The following AUTS2 variants were observed in gnomAD, a reference collection of about 807,000 sequenced individuals.
AUTS2 encodes the protein autism susceptibility gene 2 protein.
Under a neutral mutation model 112.4 loss-of-function variants are expected in AUTS2, and 17 were observed. The observed-to-expected ratio is 0.15, with a 90% CI of 0.10 to 0.23. The LOEUF (loss-of-function observed/expected upper bound fraction) is 0.23, where lower values mean the gene tolerates loss of function less well. Among genes scored for constraint, AUTS2 ranks in the 10% least tolerant of loss-of-function variants. The pLI is 1.00. For synonymous variants in AUTS2, 751 were observed against 702.7 expected, an observed-to-expected ratio of 1.07 and a Z score of -1.09; for missense variants, 1,510 against 1,701.6, an observed-to-expected ratio of 0.89 and a Z score of 1.98.
At chr7:69,919,785 TA>T (rs1795736579) in intron 2 of AUTS2, among the ~76,000 whole-genome samples, 4 of 152,210 alleles carry the variant, frequency 2.6e-5, no homozygotes, top group South Asian at 2.1e-4. Flanking sequence ...AAAAGTAGAT[TA>T]AAAAAACTAG....
intron 4 of AUTS2, among the ~76,000 whole-genome samples, chr7:70,161,849 C>T (rs1296844313): frequency 6.6e-6 from 1 of 152,082 alleles, no homozygotes; most frequent in Non-Finnish European, 1.5e-5. Context: ...TTTTTACAAA[C>T]TTTTCTAAAA....
At chr7:69,811,804 T>G (rs985220257) in intron 1 of AUTS2, among the ~76,000 whole-genome samples, 3 of 152,190 alleles carry the variant, frequency 2.0e-5, no homozygotes, top group African/African-American at 7.2e-5. Context: ...CAGTCTGCCT[T>G]GTAGCATAGT....
At position 70,660,250 on chromosome 7, in the gene AUTS2, G is replaced by T. The variant is rs1331421516; in HGVS notation, c.691-38319G>T. ...AACTGTGCATGGCATCCTTGGCAGGGTCTACAGTGTTGCAGTTCCTACCAC... is the reference window on the plus strand; with the variant it reads ...AACTGTGCATGGCATCCTTGGCAGGTTCTACAGTGTTGCAGTTCCTACCAC... On this transcript the variant is annotated intron_variant, in intron 5 of 18. Coordinates refer to ENST00000342771, the MANE Select transcript of AUTS2 (RefSeq NM_015570.4). Among the ~76,000 whole-genome samples the T allele has an allele frequency of 2.0e-5, 3 of 152,082 alleles. No individual in the cohort carries two copies. In the East Asian group the frequency reaches 5.8e-4, roughly 29 times the overall value.
rs187274289 is a variant in AUTS2 at position 69,888,742 on chromosome 7, T to G, written c.310-10544T>G. On this transcript the variant is annotated intron_variant, in intron 1 of 18. Transcript: ENST00000342771. ...GACTACACCTCCACGCCTGGCTAAT[T>G]TTTTGTATTTTAGTAGAGACGGGGT... 1.7e-3 allele frequency among the ~76,000 whole-genome samples: 259 copies of G among 151,244 alleles called. 3 individuals carry two copies. Among genetic ancestry groups the G allele is most frequent in the Admixed American group, 0.017 (253 of 15,184 alleles).
At chr7:70,769,684 C>G (rs1239048064) in intron 10 of AUTS2, among the ~76,000 whole-genome samples, 1 of 151,944 alleles carries the variant, frequency 6.6e-6, no homozygotes, top group African/African-American at 2.4e-5. Flanking sequence ...GACTCCATTT[C>G]AAAAAATAAT....
At chr7:70,703,292 C>G (rs1350577496) in intron 6 of AUTS2, among the ~76,000 whole-genome samples, 2 of 151,996 alleles carry the variant, frequency 1.3e-5, no homozygotes, top group Non-Finnish European at 2.9e-5. Flanking sequence ...CTCAGGAGCT[C>G]AAAACCAGCC....
chr7:70,250,883 G>A (rs1479853160), intron 4 of AUTS2, among the ~76,000 whole-genome samples: 1 of 152,012 alleles, frequency 6.6e-6, no homozygotes, highest in Non-Finnish European at 1.5e-5. Context: ...GGTGGTAGGA[G>A]GGAGAGGATC....
chr7:70,469,445 G>A (rs1797292686), intron 5 of AUTS2, among the ~76,000 whole-genome samples: 1 of 152,186 alleles, frequency 6.6e-6, no homozygotes, highest in African/African-American at 2.4e-5. Flanking sequence ...CAAAGGCCCT[G>A]AGGCTGGAAC....
intron 4 of AUTS2, among the ~76,000 whole-genome samples, chr7:70,157,896 G>T (rs1807868445): frequency 6.6e-6 from 1 of 152,210 alleles, no homozygotes; most frequent in Non-Finnish European, 1.5e-5. Flanking sequence ...GGGAGTGGGA[G>T]GAGAGGTGAC....
At chr7:70,260,070 A>G (rs1362732139) in intron 4 of AUTS2, among the ~76,000 whole-genome samples, 1 of 152,062 alleles carries the variant, frequency 6.6e-6, no homozygotes, top group Admixed American at 6.6e-5. Context: ...AATACCTAAA[A>G]CTAGATAATT....
intron 2 of AUTS2, among the ~76,000 whole-genome samples, chr7:69,974,508 G>T (rs1285148596): frequency 1.3e-5 from 2 of 151,900 alleles, no homozygotes; most frequent in Non-Finnish European, 1.5e-5. Context: ...TGACTCTGAA[G>T]GCCTGAGAAT....
At chr7:70,042,093 A>C (rs868166552) in intron 2 of AUTS2, among the ~76,000 whole-genome samples, 1 of 152,098 alleles carries the variant, frequency 6.6e-6, no homozygotes, top group Non-Finnish European at 1.5e-5. Flanking sequence ...TGTTATTGGA[A>C]AGTGGGTAAG....
chr7:70,167,085 GT>G (rs1808421761), intron 4 of AUTS2, among the ~76,000 whole-genome samples: 1 of 152,146 alleles, frequency 6.6e-6, no homozygotes, highest in South Asian at 2.1e-4. Context: ...AATTAGCCAG[GT>G]GTGGTGGCTC....
At chr7:70,742,627 TG>T (rs1341618828) in intron 6 of AUTS2, among the ~76,000 whole-genome samples, 1 of 152,110 alleles carries the variant, frequency 6.6e-6, no homozygotes, top group African/African-American at 2.4e-5. Flanking sequence ...CCTGGCGTGG[TG>T]GCGCGTGCCT....
At chr7:69,729,104 AT>A (rs979512953) in intron 1 of AUTS2, among the ~76,000 whole-genome samples, 1 of 151,618 alleles carries the variant, frequency 6.6e-6, no homozygotes, top group Non-Finnish European at 1.5e-5. Context: ...TCCAAACCTT[AT>A]TTTTTTTGTG....
intron 4 of AUTS2, among the ~76,000 whole-genome samples, chr7:70,209,721 G>C (rs1030537313): frequency 6.6e-6 from 1 of 152,134 alleles, no homozygotes; most frequent in Non-Finnish European, 1.5e-5. Flanking sequence ...AGTTGAATAT[G>C]ATCAGGACAA....
At chr7:70,541,666 C>G (rs1478508158) in intron 5 of AUTS2, among the ~76,000 whole-genome samples, 1 of 152,244 alleles carries the variant, frequency 6.6e-6, no homozygotes, top group African/African-American at 2.4e-5. Flanking sequence ...GGAAATCAGA[C>G]AGCACAGTTG....
chr7:70,357,953 A>T (rs948964048), intron 4 of AUTS2, among the ~76,000 whole-genome samples: 2 of 150,628 alleles, frequency 1.3e-5, no homozygotes, highest in African/African-American at 5.0e-5. Context: ...GGAGGTGCAA[A>T]TCCTTTAGAC....
intron 2 of AUTS2, among the ~76,000 whole-genome samples, chr7:70,074,651 A>G (rs377274355): frequency 1.3e-5 from 2 of 152,192 alleles, no homozygotes; most frequent in East Asian, 1.9e-4. Flanking sequence ...TCTTCTAGCT[A>G]CTAAGATTGA....
Sources: allele counts gnomAD v4.1 joint callset (sites outside exome capture counted in the v4.1 genomes callset), GRCh38; gene constraint gnomAD v4.1.1; transcripts MANE v1.5; gene names NCBI Gene and HGNC (gene_info 2026-07-23, HGNC 2026-07-21).